Variants in PACS1 observed in about 807,000 individuals in gnomAD.
PACS1 encodes PACS-1.
In PACS1, 24 loss-of-function variants were observed where a neutral mutation model predicts 115.0. That is an observed-to-expected ratio of 0.21 (90% CI 0.15 to 0.29). PACS1 has a LOEUF of 0.29. Among genes scored for constraint, PACS1 ranks in the 10% least tolerant of loss-of-function variants. The pLI, the probability that PACS1 is intolerant of heterozygous loss-of-function variation, is 1.00. For synonymous variants in PACS1, 453 were observed against 504.5 expected, an observed-to-expected ratio of 0.90 and a Z score of 1.37; for missense variants, 838 against 1,251.2, an observed-to-expected ratio of 0.67 and a Z score of 4.98.
chr11:66,162,597 G>A (rs962198657), intron 1 of PACS1, among the ~76,000 whole-genome samples: 3 of 152,202 alleles, frequency 2.0e-5, no homozygotes, highest in South Asian at 2.1e-4. Context: ...TTTACAGGCC[G>A]CACAGCCCTG....
At chr11:66,226,354 A>T (rs921616927) in intron 10 of PACS1, among the ~76,000 whole-genome samples, 2 of 152,176 alleles carry the variant, frequency 1.3e-5, no homozygotes, top group African/African-American at 2.4e-5. Flanking sequence ...AATGGCCTGG[A>T]GCAGGGGTTC....
intron 2 of PACS1, among the ~76,000 whole-genome samples, chr11:66,204,428 C>G (rs1380036553): frequency 6.6e-6 from 1 of 152,114 alleles, no homozygotes; most frequent in Non-Finnish European, 1.5e-5. Flanking sequence ...AGGGAACCCT[C>G]GTACACTGTT....
At chr11:66,136,657 C>T (rs1308361350) in intron 1 of PACS1, among the ~76,000 whole-genome samples, 1 of 152,082 alleles carries the variant, frequency 6.6e-6, no homozygotes, top group South Asian at 2.1e-4. Context: ...AAACTTCATA[C>T]AAGTTGACCC....
chr11:66,104,284 ACGGC>A (rs1327593348), intron 1 of PACS1, among the ~76,000 whole-genome samples: 1 of 152,216 alleles, frequency 6.6e-6, no homozygotes. Flanking sequence ...AATGTCAGTC[ACGGC>A]AGAGGTAAAC....
rs372944861 is a variant in PACS1 at position 66,204,433 on chromosome 11, A to G, written c.445-5929A>G. ...TGTAGAGAAAAGGGAACCCTCGTAC[A>G]CTGTTGGTAGGAATGTAAGTTAGTA... On this transcript the variant is annotated intron_variant, in intron 2 of 23. Coordinates refer to ENST00000320580, the MANE Select transcript of PACS1 (RefSeq NM_018026.4). Among the ~76,000 whole-genome samples, 100 of 152,290 alleles carry G rather than the reference A, an allele frequency of 6.6e-4. No homozygotes were observed. The South Asian group carries it at 0.019, about 29-fold the overall frequency.
intron 1 of PACS1, among the ~76,000 whole-genome samples, chr11:66,146,183 G>T (rs1016041671): frequency 2.6e-5 from 4 of 152,122 alleles, no homozygotes; most frequent in African/African-American, 9.7e-5. Context: ...ATTCAGGGAA[G>T]ATAATCAGTC....
intron 11 of PACS1, chr11:66,230,232 A>G (rs1029196367): frequency 2.2e-5 from 7 of 317,930 alleles, no homozygotes; most frequent in Non-Finnish European, 4.1e-5. Context: ...CACCAGGGAG[A>G]TGCATCTAGG....
At chr11:66,211,029 T>TAG (rs1855059324) in intron 3 of PACS1, 105 bp from the exon 4 acceptor site, 1 of 1,352,852 alleles carries the variant, frequency 7.4e-7, no homozygotes, top group African/African-American at 1.4e-5. Flanking sequence ...TGCCCCCTTT[T>TAG]AGAGACAGGA....
chr11:66,239,643 C>T (rs1391212867), intron 21 of PACS1, among the ~76,000 whole-genome samples: 3 of 152,172 alleles, frequency 2.0e-5, no homozygotes, highest in African/African-American at 7.2e-5. Flanking sequence ...TTGGCAGAGG[C>T]CTGTGAAGTG....
intron 10 of PACS1, among the ~76,000 whole-genome samples, chr11:66,223,188 G>GT (rs1170005455): frequency 2.6e-5 from 4 of 151,992 alleles, no homozygotes; most frequent in African/African-American, 9.7e-5. Context: ...CACCTCCCGG[G>GT]TGCCAGCGAT....
At chr11:66,088,111 G>A (rs912091975) in intron 1 of PACS1, among the ~76,000 whole-genome samples, 3 of 151,854 alleles carry the variant, frequency 2.0e-5, no homozygotes, top group Non-Finnish European at 4.4e-5. Flanking sequence ...ACCTTTAGGA[G>A]TTGTTTTTCT....
intron 1 of PACS1, among the ~76,000 whole-genome samples, chr11:66,166,289 A>T (rs1302437267): frequency 6.6e-6 from 1 of 152,038 alleles, no homozygotes; most frequent in African/African-American, 2.4e-5. Context: ...CTGGGACTAC[A>T]GGTGCCCGCC....
chr11:66,163,350 C>CA (rs1231541629), intron 1 of PACS1, among the ~76,000 whole-genome samples: 3,075 of 57,372 alleles, frequency 0.054, 123 homozygotes, highest in African/African-American at 0.13. Context: ...GACCCTGTCT[C>CA]AAAAAAAAAA....
chr11:66,177,822 C>G (rs1178051741), intron 1 of PACS1, among the ~76,000 whole-genome samples: 1 of 152,068 alleles, frequency 6.6e-6, no homozygotes, highest in Non-Finnish European at 1.5e-5. Context: ...CATTGCTGTC[C>G]AGGCTGCAGT....
At chr11:66,085,326 T>A (rs1419121827) in intron 1 of PACS1, among the ~76,000 whole-genome samples, 2 of 152,192 alleles carry the variant, frequency 1.3e-5, no homozygotes, top group Non-Finnish European at 2.9e-5. Context: ...AAGGTGGAGC[T>A]ATTTTTGAAA....
Position 66,182,630 on chromosome 11 carries a change from G to GC in PACS1, c.357-10854dup, listed in dbSNP as rs536238444. Among the ~76,000 whole-genome samples, 760 of 152,158 alleles carry GC rather than the reference G, an allele frequency of 5.0e-3. 4 individuals carry two copies. The highest frequency in any genetic ancestry group is 0.017 in the African/African-American group (718 of 41,506). On this transcript the variant is annotated intron_variant, in intron 1 of 23. Coordinates refer to ENST00000320580, the MANE Select transcript of PACS1 (RefSeq NM_018026.4). Reference sequence around the variant, plus strand: ...GGCATGTAGGCACATGGGCGCGTGTGCCACCACCCTGGGCTAGTATTTTTT... The same window carrying GC: ...GGCATGTAGGCACATGGGCGCGTGTGCCCACCACCCTGGGCTAGTATTTTTT...
chr11:66,208,686 G>GA (rs1855001892), intron 2 of PACS1, among the ~76,000 whole-genome samples: 1 of 138,756 alleles, frequency 7.2e-6, no homozygotes, highest in Non-Finnish European at 1.5e-5. Flanking sequence ...AGAAGAAAAA[G>GA]AAAGAAAGGA....
intron 8 of PACS1, 34 bp downstream of exon 8, chr11:66,219,839 T>G (rs1855300866): frequency 1.3e-6 from 2 of 1,488,484 alleles, no homozygotes; most frequent in Non-Finnish European, 1.9e-6. Context: ...TAATGGTGAG[T>G]AGAATTCCCC....
chr11:66,115,234 A>G (rs1858279862), intron 1 of PACS1, among the ~76,000 whole-genome samples: 1 of 150,752 alleles, frequency 6.6e-6, no homozygotes, highest in African/African-American at 2.4e-5. Context: ...AAAAAACTAG[A>G]ACAGTGACCT....
Sources: gnomAD v4.1 joint callset for allele counts (sites outside exome capture counted in the v4.1 genomes callset) on GRCh38, gnomAD v4.1.1 for gene constraint, MANE v1.5 for transcripts, NCBI Gene and HGNC (gene_info 2026-07-23, HGNC 2026-07-21) for gene names.